KIAA1958: variants seen among roughly 807,000 people sequenced by gnomAD.
KIAA1958 encodes the protein KIAA1958.
In KIAA1958, 14 loss-of-function variants were observed where a neutral mutation model predicts 47.2. The observed-to-expected ratio is 0.30, with a 90% confidence interval of 0.20 to 0.46. The LOEUF (loss-of-function observed/expected upper bound fraction) is 0.46, where lower values mean the gene tolerates loss of function less well. Among genes scored for constraint, KIAA1958 ranks in the 20% least tolerant of loss-of-function variants. The pLI is 1.00. For synonymous variants in KIAA1958, 354 were observed against 353.3 expected, an observed-to-expected ratio of 1.00 and a Z score of -0.02; for missense variants, 803 against 909.2, an observed-to-expected ratio of 0.88 and a Z score of 1.50.
Position 112,580,637 on chromosome 9 carries a change from A to G in KIAA1958, c.1171+5386A>G, listed in dbSNP as rs566365297. Reference sequence around the variant, plus strand: ...CCCCATCTCTTCTGAAAATACAAAAATTAGCCCAGCGTGGTGGCAGGCGCC... The same window carrying G: ...CCCCATCTCTTCTGAAAATACAAAAGTTAGCCCAGCGTGGTGGCAGGCGCC... On this transcript the variant is annotated intron_variant, in intron 2 of 3. Coordinates refer to ENST00000337530, the MANE Select transcript of KIAA1958 (RefSeq NM_133465.4). Among the ~76,000 whole-genome samples the G allele has an allele frequency of 6.6e-4, 101 of 152,256 alleles. 2 individuals are homozygous for G. The highest frequency in any genetic ancestry group is 7.4e-4 in the Non-Finnish European group (50 of 68,008).
chr9:112,487,815 A>G (rs1231394538), intron 1 of KIAA1958, among the ~76,000 whole-genome samples: 1 of 151,418 alleles, frequency 6.6e-6, no homozygotes, highest in Non-Finnish European at 1.5e-5. Flanking sequence ...GGACTGAACA[A>G]CGTCAAACCA....
intron 1 of KIAA1958, among the ~76,000 whole-genome samples, chr9:112,505,866 A>G (rs934143131): frequency 1.3e-5 from 2 of 152,180 alleles, no homozygotes; most frequent in Non-Finnish European, 2.9e-5. Context: ...TTGTGAGTGT[A>G]TAGGTCAGGG....
Position 112,618,551 on chromosome 9 carries a change from C to T in KIAA1958, c.1172-27099C>T. On this transcript the variant is annotated intron_variant, in intron 2 of 3. Coordinates refer to ENST00000337530, the MANE Select transcript of KIAA1958 (RefSeq NM_133465.4). This position sits in a 1 kb window ranked among gnomAD's most constrained non-coding sequence, Gnocchi z 7.1. The stretch of plus-strand genomic sequence containing the variant: ...GCACGCCCCACAGACCTGCCCTGTC[C>T]AGGACTATAAGGAGTATGCCCAGCG... The T allele has an allele frequency of 6.4e-7, 1 of 1,550,706 alleles. No homozygotes were observed.
Position 112,486,987 on chromosome 9 carries a change from C to T in KIAA1958, c.-156C>T, listed in dbSNP as rs1375030707. On this transcript the variant is annotated 5_prime_UTR_variant, in exon 1 of 4. Transcript: ENST00000337530. ...TTCCCCGCTCCACTTACCTTTGGTG[C>T]CCGGCCCTCTGGCCGCTCTCCTCCC... 5.5e-6 allele frequency: 1 copy of T among 181,594 alleles called. No homozygotes were observed. The highest frequency in any genetic ancestry group is 1.2e-5 in the Non-Finnish European group (1 of 86,868). The allele number at this position is 181,594 out of a possible 1,614,324, so 11.2% of individuals were successfully genotyped here.
At chr9:112,552,843 G>T (rs1164094830) in intron 1 of KIAA1958, among the ~76,000 whole-genome samples, 1 of 152,066 alleles carries the variant, frequency 6.6e-6, no homozygotes, top group Non-Finnish European at 1.5e-5. Context: ...AATTCAAGTC[G>T]GCATGGAGCT....
intron 2 of KIAA1958, chr9:112,582,632 C>T (rs1835754205): frequency 6.5e-6 from 1 of 153,376 alleles, no homozygotes; most frequent in African/African-American, 2.4e-5. Flanking sequence ...ACAACTCAGC[C>T]CTCTAATCCT....
At chr9:112,538,631 A>T (rs1249801646) in intron 1 of KIAA1958, among the ~76,000 whole-genome samples, 1 of 152,226 alleles carries the variant, frequency 6.6e-6, no homozygotes, top group African/African-American at 2.4e-5. Context: ...AATAGCATCA[A>T]GTATCATATC....
At chr9:112,532,340 A>G (rs1186120835) in intron 1 of KIAA1958, among the ~76,000 whole-genome samples, 1 of 152,226 alleles carries the variant, frequency 6.6e-6, no homozygotes, top group African/African-American at 2.4e-5. Flanking sequence ...AAAATAAATG[A>G]TACTTTTCTT....
intron 1 of KIAA1958, among the ~76,000 whole-genome samples, chr9:112,544,174 T>G (rs140390591): frequency 0.013 from 1,904 of 152,318 alleles, 38 homozygotes; most frequent in African/African-American, 0.043. Context: ...ATCTGTAGCC[T>G]TCTTTACTGT....
intron 1 of KIAA1958, among the ~76,000 whole-genome samples, chr9:112,553,251 T>C (rs1040672127): frequency 2.7e-5 from 4 of 150,614 alleles, no homozygotes; most frequent in Non-Finnish European, 5.9e-5. Flanking sequence ...AGTGGTATGA[T>C]CGTTGGCTCA....
intron 2 of KIAA1958, among the ~76,000 whole-genome samples, chr9:112,607,025 T>C (rs1039082335): frequency 1.3e-5 from 2 of 152,144 alleles, no homozygotes; most frequent in African/African-American, 4.8e-5. Flanking sequence ...GAAGGGGTGC[T>C]GAATGCAGTG....
chr9:112,656,778 T>G (rs1310339946), intron 3 of KIAA1958, among the ~76,000 whole-genome samples: 1 of 152,240 alleles, frequency 6.6e-6, no homozygotes, highest in Non-Finnish European at 1.5e-5. Flanking sequence ...ATTGAGATCC[T>G]TTACCTTTTA....
intron 1 of KIAA1958, among the ~76,000 whole-genome samples, chr9:112,569,776 A>G (rs1291156539): frequency 6.6e-6 from 1 of 152,004 alleles, no homozygotes; most frequent in East Asian, 1.9e-4. Flanking sequence ...GTGCGCCTCC[A>G]TGCCTGACTA....
intron 1 of KIAA1958, among the ~76,000 whole-genome samples, chr9:112,501,489 C>A (rs1375982654): frequency 1.1e-4 from 16 of 152,140 alleles, no homozygotes; most frequent in Non-Finnish European, 1.5e-5. Flanking sequence ...AGAACGCTGC[C>A]AAGAGGGCAG....
At chr9:112,600,066 G>A (rs1448401080) in intron 2 of KIAA1958, among the ~76,000 whole-genome samples, 1 of 152,154 alleles carries the variant, frequency 6.6e-6, no homozygotes, top group East Asian at 1.9e-4. Flanking sequence ...TATTTTGGCC[G>A]AGACGAAAGT....
At chr9:112,643,224 C>T (rs1338347792) in intron 2 of KIAA1958, among the ~76,000 whole-genome samples, 1 of 152,172 alleles carries the variant, frequency 6.6e-6, no homozygotes, top group Non-Finnish European at 1.5e-5. Flanking sequence ...AGCATGGAGT[C>T]AGAGACCCGG....
In KIAA1958 at chr9:112,618,840, A is replaced by G; in HGVS notation, c.1172-26810A>G. 1.9e-6 allele frequency: 3 copies of G among 1,550,492 alleles called. No individual in the cohort carries two copies. Among genetic ancestry groups the G allele is most frequent in the Non-Finnish European group, 2.6e-6 (3 of 1,146,838 alleles). On this transcript the variant is annotated intron_variant, in intron 2 of 3. Coordinates refer to ENST00000337530, the MANE Select transcript of KIAA1958 (RefSeq NM_133465.4). This position sits in a 1 kb window ranked among gnomAD's most constrained non-coding sequence, Gnocchi z 7.1. ...AACAATCTGAGCCAGCAGGCTGCCC[A>G]GTCAGTGGCCGGCCACTCCAACAAT...
chr9:112,504,514 A>G (rs939823578), intron 1 of KIAA1958, among the ~76,000 whole-genome samples: 1 of 152,074 alleles, frequency 6.6e-6, no homozygotes, highest in African/African-American at 2.4e-5. Context: ...TAATCCCCTT[A>G]TTTTACAGAT....
Position 112,487,097 on chromosome 9 carries a change from A to G in KIAA1958, c.-46A>G. 1 of 215,696 alleles carries G rather than the reference A, an allele frequency of 4.6e-6. No individual in the cohort carries two copies. Among genetic ancestry groups the G allele is most frequent in the Non-Finnish European group, 9.4e-6 (1 of 106,448 alleles). 13.4% of individuals were successfully genotyped at this position (215,696 alleles called of 1,614,324 possible). On this transcript the variant is annotated 5_prime_UTR_variant, in exon 1 of 4. Transcript: ENST00000337530. ...CCCCGCGCCGACCGCGTTCCTATGGACAGACGCACAGACACCTGCAGGTGG... is the reference window on the plus strand; with the variant it reads ...CCCCGCGCCGACCGCGTTCCTATGGGCAGACGCACAGACACCTGCAGGTGG...
Sources: gnomAD v4.1 joint callset for allele counts (sites outside exome capture counted in the v4.1 genomes callset) on GRCh38, gnomAD v4.1.1 for gene constraint, Gnocchi (gnomAD v3.1) non-coding constraint, MANE v1.5 for transcripts, NCBI Gene and HGNC (gene_info 2026-07-23, HGNC 2026-07-21) for gene names.